EPHB1: variants seen among roughly 807,000 people sequenced by gnomAD.
The protein encoded by EPHB1 is ephrin type-B receptor 1.
In EPHB1, 30 loss-of-function variants were observed where a neutral mutation model predicts 94.4. The observed-to-expected ratio is 0.32, with a 90% CI of 0.24 to 0.43. EPHB1 has a LOEUF of 0.43. Ranked by LOEUF, EPHB1 falls within the 20% of genes least tolerant of loss-of-function variation. EPHB1 has a pLI of 1.00. For synonymous variants in EPHB1, 522 were observed against 489.1 expected (o/e 1.07, Z -0.89); for missense variants, 1,055 against 1,308.3 (o/e 0.81, Z 2.99).
At chr3:134,906,178 C>G (rs945940063) in intron 1 of EPHB1, among the ~76,000 whole-genome samples, 2 of 152,112 alleles carry the variant, frequency 1.3e-5, no homozygotes, top group Non-Finnish European at 2.9e-5. Context: ...ATTCTGTTTC[C>G]CTTTATACCC....
At chr3:135,242,418 C>T (rs138072564) in intron 13 of EPHB1, among the ~76,000 whole-genome samples, 2 of 152,122 alleles carry the variant, frequency 1.3e-5, no homozygotes, top group Non-Finnish European at 1.5e-5. Context: ...AGTCAGCAAG[C>T]CTTCTATCCT....
chr3:135,258,881 G>C (rs1380171680), intron 15 of EPHB1, 131 bp from the exon 16 acceptor site: 2 of 734,542 alleles, frequency 2.7e-6, no homozygotes, highest in African/African-American at 1.8e-5. Context: ...CCAAAAATTT[G>C]GGTAAACTTA....
At chr3:134,967,529 A>T (rs1933807637) in intron 3 of EPHB1, among the ~76,000 whole-genome samples, 1 of 152,044 alleles carries the variant, frequency 6.6e-6, no homozygotes, top group South Asian at 2.1e-4. Flanking sequence ...ATCTTATAAT[A>T]GTTATATTAC....
At chr3:134,975,783 G>T (rs796560336) in intron 3 of EPHB1, among the ~76,000 whole-genome samples, 6 of 152,022 alleles carry the variant, frequency 3.9e-5, no homozygotes, top group Admixed American at 1.3e-4. Context: ...AGAGGGCAGG[G>T]GGGGAGTGAG....
chr3:134,932,410 T>C (rs990281793), intron 2 of EPHB1, among the ~76,000 whole-genome samples: 1 of 152,148 alleles, frequency 6.6e-6, no homozygotes, highest in South Asian at 2.1e-4. Context: ...AGAAACCCAC[T>C]CTAATAACAC....
At chr3:134,857,349 T>C (rs1003363216) in intron 1 of EPHB1, among the ~76,000 whole-genome samples, 4 of 152,108 alleles carry the variant, frequency 2.6e-5, no homozygotes, top group Non-Finnish European at 4.4e-5. Context: ...GAGCCTGGGC[T>C]TCTCCTGCTA....
chr3:134,991,982 A>G (rs1275446543), intron 3 of EPHB1, among the ~76,000 whole-genome samples: 2 of 151,970 alleles, frequency 1.3e-5, no homozygotes, highest in Non-Finnish European at 2.9e-5. Context: ...AAGCAGGCCC[A>G]TTTCTAGGGC....
intron 14 of EPHB1, among the ~76,000 whole-genome samples, chr3:135,249,009 A>G (rs908619831): frequency 1.3e-5 from 2 of 152,128 alleles, no homozygotes; most frequent in African/African-American, 4.8e-5. Flanking sequence ...TAAAAGGACT[A>G]CGTCTTTGAA....
intron 3 of EPHB1, among the ~76,000 whole-genome samples, chr3:135,071,201 GA>G (rs1190486210): frequency 1.3e-5 from 2 of 152,210 alleles, no homozygotes; most frequent in Non-Finnish European, 1.5e-5. Context: ...AACCACTAAG[GA>G]GACCCAGGTT....
At chr3:134,845,891 G>A (rs932138360) in intron 1 of EPHB1, among the ~76,000 whole-genome samples, 1 of 152,110 alleles carries the variant, frequency 6.6e-6, no homozygotes, top group Non-Finnish European at 1.5e-5. Flanking sequence ...TAGGGAACTT[G>A]AACTACCCAC....
At chr3:135,002,346 T>C (rs1935215206) in intron 3 of EPHB1, among the ~76,000 whole-genome samples, 1 of 152,210 alleles carries the variant, frequency 6.6e-6, no homozygotes, top group African/African-American at 2.4e-5. Context: ...CTGGATTCGT[T>C]TTGCCAGTAT....
At chr3:134,888,174 ATCAC>A (rs2037896728) in intron 1 of EPHB1, among the ~76,000 whole-genome samples, 1 of 152,170 alleles carries the variant, frequency 6.6e-6, no homozygotes, top group African/African-American at 2.4e-5. Context: ...CTGCCCTTTC[ATCAC>A]AGGGGCAGCC....
intron 6 of EPHB1, among the ~76,000 whole-genome samples, chr3:135,157,979 A>G (rs1941403824): frequency 6.6e-6 from 1 of 152,196 alleles, no homozygotes; most frequent in Admixed American, 6.5e-5. Flanking sequence ...CAGAACCAGA[A>G]CTTTACACAT....
chr3:134,908,525 C>G (rs773066371), intron 1 of EPHB1, among the ~76,000 whole-genome samples: 6 of 152,216 alleles, frequency 3.9e-5, no homozygotes, highest in African/African-American at 7.2e-5. Context: ...CCAAGTGAAC[C>G]CACTGGCCCA....
chr3:135,119,720 G>A (rs565593817), intron 4 of EPHB1, among the ~76,000 whole-genome samples: 3 of 152,222 alleles, frequency 2.0e-5, no homozygotes, highest in East Asian at 1.9e-4. Context: ...CCAAAGTGCT[G>A]TAGTTACAGG....
rs534047121 is a variant in EPHB1 at position 135,257,984 on chromosome 3, C to T, written c.2847-1028C>T. Among the ~76,000 whole-genome samples, 9 of 152,238 alleles carry T rather than the reference C, an allele frequency of 5.9e-5. No individual in the cohort carries two copies. In the East Asian group the frequency reaches 7.7e-4, roughly 13 times the overall value. ...GGGAGTGACCCGATTTTCCAGGTGC[C>T]GTCCATCACCCTTTTCTTTGACTAG... On this transcript the variant is annotated intron_variant, in intron 15 of 15. Coordinates refer to ENST00000398015, the MANE Select transcript of EPHB1 (RefSeq NM_004441.5).
chr3:135,252,284 A>G (rs1350001969), intron 15 of EPHB1, among the ~76,000 whole-genome samples: 7 of 151,186 alleles, frequency 4.6e-5, no homozygotes. Flanking sequence ...TTACATATGT[A>G]TACATGTGCC....
intron 4 of EPHB1, among the ~76,000 whole-genome samples, chr3:135,130,703 C>A (rs1940386188): frequency 6.6e-6 from 1 of 152,140 alleles, no homozygotes; most frequent in African/African-American, 2.4e-5. Context: ...TGGTCAGTGC[C>A]TGCCTCTGCC....
Position 134,850,105 on chromosome 3 carries a change from C to T in EPHB1, c.58+54416C>T, listed in dbSNP as rs999519583. On this transcript the variant is annotated intron_variant, in intron 1 of 15. Coordinates refer to ENST00000398015, the MANE Select transcript of EPHB1 (RefSeq NM_004441.5). ...GCTCCAGGGAAGACAGGGCTGCAGA[C>T]GAGCAGAGCTGCCTCATCTTTGGAG... 7.9e-5 allele frequency among the ~76,000 whole-genome samples: 12 copies of T among 152,300 alleles called. No homozygotes were observed. In the East Asian group the frequency reaches 1.9e-3, roughly 24 times the overall value.
Sources: allele counts gnomAD v4.1 joint callset (sites outside exome capture counted in the v4.1 genomes callset), GRCh38; gene constraint gnomAD v4.1.1; transcripts MANE v1.5; gene names NCBI Gene and HGNC (gene_info 2026-07-23, HGNC 2026-07-21).